Variants in ZNF722 observed in about 807,000 individuals in gnomAD.
The protein encoded by ZNF722 is zinc finger protein 479 pseudogene.
chr7:64,002,604 T>C, the ZNF722 span, among the ~76,000 whole-genome samples: 1 of 152,236 alleles, frequency 6.6e-6, no homozygotes, highest in East Asian at 1.9e-4. Context: ...TGCTGTGCTC[T>C]TAATCTAAAT....
chr7:63,999,039 C>G, the ZNF722 span: 1 of 1,562,760 alleles, frequency 6.4e-7, no homozygotes. Context: ...GGGCGGGAGA[C>G]GGTTGGAACC....
chr7:63,999,657 C>G, the ZNF722 span, among the ~76,000 whole-genome samples: 1 of 152,048 alleles, frequency 6.6e-6, no homozygotes, highest in Non-Finnish European at 1.5e-5. Flanking sequence ...TTGACTAGGC[C>G]TGAATTTTTT....
the ZNF722 span, among the ~76,000 whole-genome samples, chr7:64,001,438 A>T: frequency 2.0e-5 from 3 of 152,168 alleles, no homozygotes; most frequent in Non-Finnish European, 4.4e-5. Flanking sequence ...TCTTCCTTAT[A>T]GCTGCATCAT....
chr7:64,004,237 C>CG, the ZNF722 span, among the ~76,000 whole-genome samples: 1 of 143,572 alleles, frequency 7.0e-6, no homozygotes, highest in Admixed American at 7.0e-5. Flanking sequence ...CCCGTCTCTA[C>CG]GGAAAAAAAA....
the ZNF722 span, chr7:64,015,464 A>G: frequency 1.2e-6 from 2 of 1,611,322 alleles, no homozygotes; most frequent in Non-Finnish European, 1.7e-6. Context: ...CACATAAAAG[A>G]ATTCATACTG....
the ZNF722 span, among the ~76,000 whole-genome samples, chr7:63,999,761 G>A: frequency 6.6e-6 from 1 of 152,064 alleles, no homozygotes; most frequent in Non-Finnish European, 1.5e-5. Flanking sequence ...GCAATGGCGC[G>A]ATCTCGGCTC....
At chr7:64,001,387 C>T in the ZNF722 span, among the ~76,000 whole-genome samples, 168 of 152,270 alleles carry the variant, frequency 1.1e-3, no homozygotes, top group African/African-American at 4.0e-3. Flanking sequence ...AAATAGCAGT[C>T]TCCAGCTCCA....
At chr7:63,999,110 A>G in the ZNF722 span, 1 of 1,248,428 alleles carries the variant, frequency 8.0e-7, no homozygotes. Flanking sequence ...GAGTCTGAGG[A>G]CCCAAATCCT....
the ZNF722 span, among the ~76,000 whole-genome samples, chr7:64,017,704 CA>C: frequency 6.6e-6 from 1 of 151,924 alleles, no homozygotes; most frequent in African/African-American, 2.4e-5. Flanking sequence ...TTTGTAGATC[CA>C]AAATATTCAC....
At chr7:64,009,856 T>C in the ZNF722 span, among the ~76,000 whole-genome samples, 4 of 152,208 alleles carry the variant, frequency 2.6e-5, no homozygotes, top group South Asian at 4.1e-4. Flanking sequence ...AATTCGGCTG[T>C]GAATCCATCT....
the ZNF722 span, among the ~76,000 whole-genome samples, chr7:64,014,005 G>A: frequency 1.3e-5 from 2 of 151,782 alleles, no homozygotes; most frequent in African/African-American, 2.4e-5. Flanking sequence ...TGGTTGTCTC[G>A]GAGGACTAGG....
chr7:64,011,216 G>A, the ZNF722 span, among the ~76,000 whole-genome samples: 3 of 152,068 alleles, frequency 2.0e-5, no homozygotes, highest in Non-Finnish European at 4.4e-5. Flanking sequence ...TTGCCAGTGT[G>A]TGTCTTTTAA....
At chr7:64,003,880 T>G in the ZNF722 span, among the ~76,000 whole-genome samples, 4 of 152,214 alleles carry the variant, frequency 2.6e-5, no homozygotes, top group African/African-American at 9.6e-5. Context: ...AAACATGTCC[T>G]GTTGAGTTTT....
At chr7:64,000,393 T>C in the ZNF722 span, among the ~76,000 whole-genome samples, 3 of 139,472 alleles carry the variant, frequency 2.2e-5, no homozygotes, top group African/African-American at 7.9e-5. Flanking sequence ...CTTCCCAAAG[T>C]GCTGGGATTA....
At chr7:63,999,675 TA>T in the ZNF722 span, among the ~76,000 whole-genome samples, 1 of 152,202 alleles carries the variant, frequency 6.6e-6, no homozygotes, top group Non-Finnish European at 1.5e-5. Context: ...TTTTCTTCAA[TA>T]TAATAATTTA....
chr7:64,015,331 A>T, the ZNF722 span: 1 of 1,369,054 alleles, frequency 7.3e-7, no homozygotes, highest in Middle Eastern at 1.8e-4. Context: ...AAATGTAAAA[A>T]ATATGGCAAA....
At chr7:63,998,953 C>T in the ZNF722 span, 22 of 1,576,380 alleles carry the variant, frequency 1.4e-5, no homozygotes, top group South Asian at 6.6e-5. Context: ...TGCAGGTATT[C>T]GCAGATTTAT....
chr7:64,008,489 A>G, the ZNF722 span, among the ~76,000 whole-genome samples: 2 of 152,170 alleles, frequency 1.3e-5, no homozygotes, highest in Non-Finnish European at 2.9e-5. Context: ...AGCACCATTT[A>G]TTGAATAGGG....
At chr7:64,015,985 A>G in the ZNF722 span, 8 of 1,021,192 alleles carry the variant, frequency 7.8e-6, no homozygotes, top group African/African-American at 1.6e-5. Flanking sequence ...AAAAAACACT[A>G]CAAGTGTAGA....
Sources: gnomAD v4.1 joint callset for allele counts (sites outside exome capture counted in the v4.1 genomes callset) on GRCh38, gnomAD v4.1.1 for gene constraint, MANE v1.5 for transcripts, NCBI Gene and HGNC (gene_info 2026-07-23, HGNC 2026-07-21) for gene names.